Variants in LCORL observed in about 807,000 individuals in gnomAD.
LCORL encodes ligand dependent nuclear receptor corepressor like.
Under a neutral mutation model 141.8 loss-of-function variants are expected in LCORL, and 41 were observed. The observed-to-expected ratio is 0.29, with a 90% CI of 0.23 to 0.38. LCORL has a LOEUF of 0.38. Ranked by LOEUF, LCORL falls within the 10% of genes least tolerant of loss-of-function variation. LCORL has a pLI of 1.00. For missense variants in LCORL, 1,759 were observed against 2,035.0 expected, an observed-to-expected ratio of 0.86 and a Z score of 2.61; for synonymous variants, 618 against 694.1, an observed-to-expected ratio of 0.89 and a Z score of 1.72.
intron 4 of LCORL, among the ~76,000 whole-genome samples, chr4:17,934,317 A>T (rs1736508868): frequency 6.6e-6 from 1 of 152,100 alleles, no homozygotes; most frequent in Non-Finnish European, 1.5e-5. Flanking sequence ...GGTATGGGGG[A>T]AAAGTGATTA....
chr4:17,982,456 A>C (rs2109729954), intron 1 of LCORL, among the ~76,000 whole-genome samples: 1 of 152,160 alleles, frequency 6.6e-6, no homozygotes, highest in East Asian at 1.9e-4. Flanking sequence ...TTTACTTTTT[A>C]GTAATAGCCA....
chr4:17,894,723 TAA>T (rs1422394338), intron 5 of LCORL, among the ~76,000 whole-genome samples: 1 of 152,002 alleles, frequency 6.6e-6, no homozygotes, highest in Non-Finnish European at 1.5e-5. Context: ...AGAATGAGAG[TAA>T]AAAGAACAAA....
At chr4:17,924,576 A>G (rs1007521795) in intron 4 of LCORL, among the ~76,000 whole-genome samples, 1 of 152,154 alleles carries the variant, frequency 6.6e-6, no homozygotes, top group Admixed American at 6.5e-5. Context: ...TGGAATAGAC[A>G]CTTACTCCAG....
At chr4:17,934,998 C>T (rs1224803735) in intron 4 of LCORL, among the ~76,000 whole-genome samples, 1 of 152,146 alleles carries the variant, frequency 6.6e-6, no homozygotes, top group East Asian at 1.9e-4. Context: ...TTCAAACTGA[C>T]ATACTCAATA....
intron 4 of LCORL, among the ~76,000 whole-genome samples, chr4:17,941,858 T>C (rs930098967): frequency 4.6e-5 from 7 of 152,108 alleles, no homozygotes; most frequent in African/African-American, 1.4e-4. Flanking sequence ...TAGAATTTTT[T>C]TTTTTTTTTG....
In LCORL at chr4:17,949,434, T is replaced by G. The variant is rs553195771; in HGVS notation, c.430+12469A>C. Among the ~76,000 whole-genome samples, 20 of 152,248 alleles carry G rather than the reference T, an allele frequency of 1.3e-4. No homozygotes were observed. In the South Asian group the frequency reaches 4.1e-3, roughly 32 times the overall value. ...TGTAGTTCCTCTGTATTCTTGGATTTTTTATTTGCCAACCTTGGCCCTCTA... is the reference window on the plus strand; with the variant it reads ...TGTAGTTCCTCTGTATTCTTGGATTGTTTATTTGCCAACCTTGGCCCTCTA... On this transcript the variant is annotated intron_variant, in intron 4 of 7. Transcript: ENST00000635767.
chr4:17,935,508 T>A (rs1241873300), intron 4 of LCORL, among the ~76,000 whole-genome samples: 1 of 152,192 alleles, frequency 6.6e-6, no homozygotes, highest in Non-Finnish European at 1.5e-5. Flanking sequence ...CTTGGTGCTA[T>A]CCTCAGTAAT....
rs34121096 is a variant in LCORL at position 17,940,172 on chromosome 4, G to GTA, written c.430+21729_430+21730dup. Among the ~76,000 whole-genome samples, 465 of 143,024 alleles carry GTA rather than the reference G, an allele frequency of 3.3e-3. 8 individuals are homozygous for GTA. The East Asian group carries it at 0.05, about 15-fold the overall frequency. The allele number at this position is 143,024 out of a possible 152,430, so 93.8% of individuals were successfully genotyped here. Reference sequence around the variant, plus strand: ...TATATATGTATATATATGTATACATGTATATATATATATATACACACACAC... The same window carrying GTA: ...TATATATGTATATATATGTATACATGTATATATATATATATATACACACACAC... On this transcript the variant is annotated intron_variant, in intron 4 of 7. Transcript: ENST00000635767.
intron 1 of LCORL, among the ~76,000 whole-genome samples, chr4:17,978,822 T>C (rs1302207648): frequency 1.3e-5 from 2 of 152,232 alleles, no homozygotes; most frequent in East Asian, 1.9e-4. Context: ...GCTCTTTCTC[T>C]CTGCAGCTCT....
At chr4:17,997,689 T>C (rs1294379886) in intron 1 of LCORL, among the ~76,000 whole-genome samples, 1 of 151,908 alleles carries the variant, frequency 6.6e-6, no homozygotes, top group Non-Finnish European at 1.5e-5. Flanking sequence ...TAAAGATGCA[T>C]AAAACATCTG....
chr4:17,876,273 T>C (rs114548251), exon 7 of LCORL: 14,154 of 1,231,054 alleles, frequency 0.011, 81 homozygotes, highest in Non-Finnish European at 0.013. Flanking sequence ...GCAGTGACTA[T>C]TGATAATATT....
exon 8 of LCORL, chr4:17,845,769 T>C: frequency 6.2e-7 from 1 of 1,613,564 alleles, no homozygotes; most frequent in Non-Finnish European, 8.5e-7. Flanking sequence ...TACAGCTCGT[T>C]AGAGATGCTG....
At chr4:17,896,194 C>T (rs977608890) in intron 5 of LCORL, among the ~76,000 whole-genome samples, 2 of 152,158 alleles carry the variant, frequency 1.3e-5, no homozygotes, top group Admixed American at 6.5e-5. Flanking sequence ...TCTTTGCCAA[C>T]ACTTCTTGTA....
chr4:17,848,396 T>C (rs1278653729), intron 7 of LCORL, among the ~76,000 whole-genome samples: 1 of 152,106 alleles, frequency 6.6e-6, no homozygotes, highest in African/African-American at 2.4e-5. Context: ...GTGGCCCAGG[T>C]TGGAGTGCAG....
chr4:17,883,330 T>A, intron 6 of LCORL: 1 of 1,001,948 alleles, frequency 1.0e-6, no homozygotes, highest in Non-Finnish European at 1.2e-6. Flanking sequence ...ATTTCCATTA[T>A]AAGATGGTTC....
chr4:17,902,167 C>T (rs567436950), intron 5 of LCORL, among the ~76,000 whole-genome samples: 1 of 152,014 alleles, frequency 6.6e-6, no homozygotes, highest in South Asian at 2.1e-4. Context: ...CAAGATGTGG[C>T]TGGATAGGTG....
chr4:17,897,213 CTTTTTTTTTTTTTTT>C lies in LCORL; in HGVS notation c.683-11067_683-11053del, dbSNP rs761784734. The stretch of plus-strand genomic sequence containing the variant: ...AGACTTCTCTTTGATATACTGATTT[CTTTTTTTTTTTTTTT>C]TTTTTTTTTTTTTTTTTTTTTTTAG... On this transcript the variant is annotated intron_variant, in intron 5 of 7. Coordinates refer to ENST00000635767, the Ensembl canonical transcript of LCORL. Among the ~76,000 whole-genome samples, 94 of 63,986 alleles carry C rather than the reference CTTTTTTTTTTTTTTT, an allele frequency of 1.5e-3. 4 individuals carry two copies. The Middle Eastern group carries it at 0.044, about 30-fold the overall frequency. 42.0% of individuals were successfully genotyped at this position (63,986 alleles called of 152,430 possible).
intron 1 of LCORL, among the ~76,000 whole-genome samples, chr4:17,982,972 T>C (rs1244222965): frequency 1.3e-5 from 2 of 152,208 alleles, no homozygotes; most frequent in Non-Finnish European, 2.9e-5. Flanking sequence ...TAGTTTCAAT[T>C]TTCTGCACAT....
intron 7 of LCORL, 87 bp from the exon 8 acceptor site, chr4:17,845,988 T>C (rs777886586): frequency 2.3e-5 from 25 of 1,064,072 alleles, no homozygotes; most frequent in Non-Finnish European, 3.3e-5. Context: ...GTTGTAGTAG[T>C]GTTTGGACCT....
Sources: gnomAD v4.1 joint callset for allele counts (sites outside exome capture counted in the v4.1 genomes callset) on GRCh38, gnomAD v4.1.1 for gene constraint, MANE v1.5 for transcripts, NCBI Gene and HGNC (gene_info 2026-07-23, HGNC 2026-07-21) for gene names.